CEP152: variants seen among roughly 807,000 people sequenced by gnomAD.
CEP152 encodes centrosomal protein 152.
A neutral mutation model predicts 188.9 loss-of-function variants in CEP152; 132 were observed. The observed-to-expected ratio is 0.70, with a 90% CI of 0.61 to 0.81. The LOEUF is 0.81. Among genes scored for constraint, CEP152 ranks in the 30% least tolerant of loss-of-function variants. The probability of loss-of-function intolerance (pLI) is 0.00; values close to 1 mark genes in which losing one functional copy is unlikely to be tolerated. For synonymous variants in CEP152, 649 were observed against 666.6 expected, an observed-to-expected ratio of 0.97 and a Z score of 0.41; for missense variants, 1,914 against 1,969.8, an observed-to-expected ratio of 0.97 and a Z score of 0.54.
intron 2 of CEP152, among the ~76,000 whole-genome samples, chr15:48,798,532 T>C (rs1162555804): frequency 2.4e-5 from 3 of 124,476 alleles, no homozygotes; most frequent in Non-Finnish European, 5.7e-5. Flanking sequence ...TAGAAGCTCT[T>C]AAATGCTCTG....
At chr15:48,777,063 C>T (rs954054516) in intron 12 of CEP152, among the ~76,000 whole-genome samples, 5 of 151,912 alleles carry the variant, frequency 3.3e-5, no homozygotes, top group Non-Finnish European at 2.9e-5. Flanking sequence ...GTATTCCTTA[C>T]GACTGTCAAG....
intron 6 of CEP152, among the ~76,000 whole-genome samples, chr15:48,793,847 A>G (rs926497830): frequency 6.6e-6 from 1 of 152,248 alleles, no homozygotes; most frequent in Admixed American, 6.5e-5. Flanking sequence ...AACAACTGCA[A>G]TGAAATAAAG....
intron 17 of CEP152, 70 bp downstream of exon 17, chr15:48,766,990 T>C (rs1895160409): frequency 6.3e-7 from 1 of 1,591,138 alleles, no homozygotes; most frequent in Admixed American, 1.7e-5. Flanking sequence ...AACAAATGTA[T>C]TCGTTTAAAT....
intron 12 of CEP152, among the ~76,000 whole-genome samples, chr15:48,780,440 T>G (rs1347477533): frequency 6.6e-6 from 1 of 152,230 alleles, no homozygotes; most frequent in African/African-American, 2.4e-5. Context: ...TCAGGACATT[T>G]ATATATTTGT....
chr15:48,776,733 ATTATT>A (rs1694439747), intron 12 of CEP152, among the ~76,000 whole-genome samples: 2 of 152,156 alleles, frequency 1.3e-5, no homozygotes, highest in Non-Finnish European at 1.5e-5. Context: ...TATTATCAAT[ATTATT>A]TTATCTTTTA....
intron 13 of CEP152, among the ~76,000 whole-genome samples, chr15:48,770,178 C>T (rs1895426049): frequency 6.6e-6 from 1 of 152,030 alleles, no homozygotes; most frequent in Non-Finnish European, 1.5e-5. Context: ...TTGTTGTGTA[C>T]CTGGACTCTG....
chr15:48,790,213 C>G (rs1186637447), intron 8 of CEP152, among the ~76,000 whole-genome samples: 1 of 152,134 alleles, frequency 6.6e-6, no homozygotes, highest in African/African-American at 2.4e-5. Flanking sequence ...ATCATTTGTG[C>G]CAGGCAGGGT....
At chr15:48,803,187 A>AT (rs1897781775) in intron 2 of CEP152, among the ~76,000 whole-genome samples, 2 of 152,234 alleles carry the variant, frequency 1.3e-5, no homozygotes, top group African/African-American at 4.8e-5. Flanking sequence ...AACAGTTATA[A>AT]CCTAGCCACA....
intron 1 of CEP152, among the ~76,000 whole-genome samples, chr15:48,809,946 T>C (rs1302276122): frequency 6.6e-6 from 1 of 152,196 alleles, no homozygotes; most frequent in East Asian, 1.9e-4. Flanking sequence ...CAAGATGCCC[T>C]CCCAAGCCTG....
intron 1 of CEP152, among the ~76,000 whole-genome samples, chr15:48,806,749 GACAAT>G (rs747702862): frequency 6.6e-6 from 1 of 152,218 alleles, no homozygotes; most frequent in Admixed American, 6.5e-5. Flanking sequence ...CTCTAGAGCA[GACAAT>G]ATCCCATTTC....
intron 12 of CEP152, among the ~76,000 whole-genome samples, chr15:48,776,904 GAAAAGAAA>G (rs1895953876): frequency 4.0e-5 from 6 of 151,758 alleles, no homozygotes; most frequent in African/African-American, 1.5e-4. Flanking sequence ...AGTTACTTTT[GAAAAGAAA>G]TAAACAGTTG....
chr15:48,754,106 GTCAAGTA>G (rs1430648453), intron 20 of CEP152, among the ~76,000 whole-genome samples: 2 of 152,116 alleles, frequency 1.3e-5, no homozygotes, highest in Admixed American at 1.3e-4. Context: ...ATGGCAGAAG[GTCAAGTA>G]TTACTTCTAT....
At chr15:48,795,275 C>CA (rs1567026068) in intron 6 of CEP152, among the ~76,000 whole-genome samples, 1 of 151,330 alleles carries the variant, frequency 6.6e-6, no homozygotes, top group African/African-American at 2.4e-5. Flanking sequence ...ACATACTATA[C>CA]AAAAAAAACT....
intron 1 of CEP152, among the ~76,000 whole-genome samples, chr15:48,806,322 G>C (rs1284481665): frequency 4.1e-5 from 6 of 145,808 alleles, no homozygotes; most frequent in Non-Finnish European, 1.6e-5. Flanking sequence ...GTTCCCTGGG[G>C]AGCAGTGACT....
chr15:48,734,212 CATAT>C (rs59095753), downstream of CEP152, among the ~76,000 whole-genome samples: 2 of 147,696 alleles, frequency 1.4e-5, no homozygotes, highest in South Asian at 2.1e-4. Context: ...TATACATATA[CATAT>C]ATATATATAT....
Position 48,767,428 on chromosome 15 carries a change from A to C in CEP152, c.2054T>G (p.Met685Arg). The change falls in exon 16 of 27, where the codon ATG (methionine) becomes AGG (arginine). Residue 685 changes from methionine (M) to arginine (R), a missense_variant. Transcript: ENST00000380950. Reference protein sequence around the residue: ...ERTYQQHHEAMKTQIRESLLA... With the variant: ...ERTYQQHHEARKTQIRESLLA... ...TAGGCTTTCACGTATTTGAGTTTTC[A>C]TGGCTTCATGGTGCTGCTGATAAGT... 1.2e-6 allele frequency: 2 copies of C among 1,614,132 alleles called. No homozygotes were observed. The highest frequency in any genetic ancestry group is 2.2e-5 in the East Asian group (1 of 44,880).
chr15:48,797,776 G>A, intron 3 of CEP152, 46 bp from the exon 4 acceptor site: 1 of 1,597,122 alleles, frequency 6.3e-7, no homozygotes, highest in East Asian at 2.2e-5. Flanking sequence ...TCATTTATTT[G>A]TACATAGATA....
chr15:48,756,117 T>C lies in CEP152; in HGVS notation c.3131A>G (p.Glu1044Gly). Reference protein sequence around the residue: ...RIQLEIYQYEEDILTVLGVLL... With the variant: ...RIQLEIYQYEGDILTVLGVLL... ...AACCCCAAGTACAGTCAGGATGTCT[T>C]CCTCATACTGATAGATTTCCAGTTG... The change falls in exon 20 of 27, where the codon GAA becomes GGA. Residue 1044 changes from glutamate to glycine, a missense_variant. By Grantham distance (98) the Glu-to-Gly change is moderately conservative. Transcript: ENST00000380950. The C allele has an allele frequency of 6.2e-7, 1 of 1,614,132 alleles. No individual in the cohort carries two copies. Among genetic ancestry groups the C allele is most frequent in the African/African-American group, 1.3e-5 (1 of 75,060 alleles).
downstream of CEP152, among the ~76,000 whole-genome samples, chr15:48,733,885 C>T (rs116746824): frequency 0.017 from 2,563 of 151,816 alleles, 76 homozygotes; most frequent in African/African-American, 0.059. Flanking sequence ...AAAAGTCAAC[C>T]GAGAACTCTA....
Sources: allele counts gnomAD v4.1 joint callset (sites outside exome capture counted in the v4.1 genomes callset), GRCh38; gene constraint gnomAD v4.1.1; transcripts MANE v1.5; gene names NCBI Gene and HGNC (gene_info 2026-07-23, HGNC 2026-07-21).